The following URB2 variants were observed in gnomAD, a reference collection of about 807,000 sequenced individuals.
The protein encoded by URB2 is unhealthy ribosome biogenesis protein 2 homolog.
In URB2, 86 loss-of-function variants were observed where a neutral mutation model predicts 120.9. The observed-to-expected ratio is 0.71, with a 90% CI of 0.60 to 0.85. The LOEUF (loss-of-function observed/expected upper bound fraction) is 0.85, where lower values mean the gene tolerates loss of function less well. Ranked by LOEUF, URB2 falls within the 40% of genes least tolerant of loss-of-function variation. The pLI, the probability that URB2 is intolerant of heterozygous loss-of-function variation, is 0.00. For missense variants in URB2, 1,765 were observed against 1,836.5 expected, an observed-to-expected ratio of 0.96 and a Z score of 0.71; for synonymous variants, 755 against 758.4, an observed-to-expected ratio of 1.00 and a Z score of 0.07.
At chr1:229,652,959 A>C (rs1666316611) in intron 8 of URB2, among the ~76,000 whole-genome samples, 1 of 152,248 alleles carries the variant, frequency 6.6e-6, no homozygotes, top group African/African-American at 2.4e-5. Flanking sequence ...TTAACTGAGT[A>C]GAGTTTTAAC....
intron 4 of URB2, among the ~76,000 whole-genome samples, chr1:229,639,397 C>T (rs2102788902): frequency 6.8e-6 from 1 of 147,410 alleles, no homozygotes; most frequent in East Asian, 2.0e-4. Context: ...TGCAGTGGTG[C>T]AATCTCAGCT....
rs764622950 is a variant in URB2, at chr1:229,637,355, T to C, written c.2742T>C (p.His914=). The C allele has an allele frequency of 9.9e-6, 16 of 1,614,048 alleles. No individual in the cohort carries two copies. The highest frequency in any genetic ancestry group is 1.3e-5 in the African/African-American group (1 of 74,934). The change falls in exon 4 of 10, where the codon CAT becomes CAC. Residue 914 remains histidine, a synonymous_variant. Transcript: ENST00000258243. ...TGGACAGCCTCTTGCCACCCTATCA[T>C]GTGCATTATTTTCTTGTGTTACTGT... ...LQLDSLLPPY[H]VHYFLVLLSM... is the part of the protein sequence containing the mutation.
At chr1:229,634,562 TG>T (rs1262232248) in intron 3 of URB2, among the ~76,000 whole-genome samples, 4 of 152,208 alleles carry the variant, frequency 2.6e-5, no homozygotes, top group African/African-American at 4.8e-5. Flanking sequence ...TCCCTCTGCC[TG>T]GTAACATCTA....
intron 3 of URB2, among the ~76,000 whole-genome samples, 200 bp from the exon 4 acceptor site, chr1:229,634,717 G>A (rs1318348096): frequency 1.3e-5 from 2 of 152,188 alleles, no homozygotes; most frequent in East Asian, 3.9e-4. Flanking sequence ...TGGATGGGTG[G>A]AGGAATTGAA....
At chr1:229,647,454 T>C (rs1666171235) in intron 6 of URB2, 56 bp from the exon 7 acceptor site, 1 of 1,577,942 alleles carries the variant, frequency 6.3e-7, no homozygotes, top group African/African-American at 1.3e-5. Flanking sequence ...GCAGTGTTTG[T>C]GTTATTTCCT....
In URB2 at chr1:229,636,566, A is replaced by G. The variant is rs777014714; in HGVS notation, c.1953A>G (p.Val651=). The part of the protein sequence containing the change: ...ISNLPSLLPG[V]KTQHWKKIEK... ...ACCTCCCTTCGTTGCTCCCAGGTGT[A>G]AAAACACAGCATTGGAAGAAGATAG... The change falls in exon 4 of 10, where the codon GTA becomes GTG. Residue 651 remains valine (V), a synonymous_variant. Transcript: ENST00000258243. 1.2e-4 allele frequency: 187 copies of G among 1,614,058 alleles called. No homozygotes were observed. Among genetic ancestry groups the G allele is most frequent in the Middle Eastern group, 6.6e-4 (4 of 6,082 alleles).
rs117932424 is a variant in URB2 at position 229,648,980 on chromosome 1, T to G, written c.4149+1228T>G. Among the ~76,000 whole-genome samples, 239 of 152,322 alleles carry G rather than the reference T, an allele frequency of 1.6e-3. 4 individuals are homozygous for G. The East Asian group carries it at 0.03, about 19-fold the overall frequency. On this transcript the variant is annotated intron_variant, in intron 7 of 9. Coordinates refer to ENST00000258243, the MANE Select transcript of URB2 (RefSeq NM_014777.4). Reference sequence around the variant, plus strand: ...GAAACCTACAAACCTGTACAACATGTGACTAATGAATCCTGTAGACAGTTG... The same window carrying G: ...GAAACCTACAAACCTGTACAACATGGGACTAATGAATCCTGTAGACAGTTG...
At chr1:229,647,890 C>A (rs947884756) in intron 7 of URB2, 138 bp downstream of exon 7, 1 of 1,398,222 alleles carries the variant, frequency 7.2e-7, no homozygotes, top group East Asian at 2.5e-5. Context: ...ACTTTCTGTT[C>A]TAGTAAATTT....
At chr1:229,626,725 G>C (rs1665493450) in intron 1 of URB2, among the ~76,000 whole-genome samples, 1 of 152,272 alleles carries the variant, frequency 6.6e-6, no homozygotes, top group Non-Finnish European at 1.5e-5. Flanking sequence ...AGAGCATCTC[G>C]GTTGTCTTTG....
chr1:229,642,807 G>A (rs1436594663), intron 4 of URB2, among the ~76,000 whole-genome samples: 1 of 152,138 alleles, frequency 6.6e-6, no homozygotes, highest in Non-Finnish European at 1.5e-5. Context: ...TAGGGGTTAA[G>A]GCACCAACCC....
At chr1:229,638,403 T>C (rs1665912131) in intron 4 of URB2, among the ~76,000 whole-genome samples, 156 bp downstream of exon 4, 1 of 152,086 alleles carries the variant, frequency 6.6e-6, no homozygotes, top group African/African-American at 2.4e-5. Context: ...CCCAGCACTT[T>C]GGGAGGCCGA....
At chr1:229,653,086 G>A (rs996871215) in intron 8 of URB2, among the ~76,000 whole-genome samples, 9 of 152,192 alleles carry the variant, frequency 5.9e-5, no homozygotes, top group Non-Finnish European at 1.5e-5. Context: ...TGTATATGGT[G>A]AACAGTCTGA....
In URB2 at chr1:229,651,199, G is replaced by A. The variant is rs74875017; in HGVS notation, c.4150-36G>A. 15 of 1,563,454 alleles carry A rather than the reference G, an allele frequency of 9.6e-6. No homozygotes were observed. The East Asian group carries it at 1.8e-4, about 19-fold the overall frequency. ...AAAGTAGAAAAACTTAAATAATCAC[G>A]TATGTACTTTTACATTCTGTTATCT... is the stretch of plus-strand genomic sequence containing the variant. On this transcript the variant is annotated intron_variant, in intron 7 of 9. Coordinates refer to ENST00000258243, the MANE Select transcript of URB2 (RefSeq NM_014777.4).
intron 9 of URB2, among the ~76,000 whole-genome samples, chr1:229,655,996 G>A (rs966313814): frequency 2.0e-5 from 3 of 152,194 alleles, no homozygotes; most frequent in Non-Finnish European, 4.4e-5. Context: ...CTGTCCTGTG[G>A]GTGGGGACAT....
chr1:229,636,899 G>T lies in URB2; in HGVS notation c.2286G>T (p.Leu762=). ...TGTGTCCAGATGATGTGGGATACCTGGCCAGTGTCCTGCTGAGAACTTTAC... is the reference window on the plus strand; with the variant it reads ...TGTGTCCAGATGATGTGGGATACCTTGCCAGTGTCCTGCTGAGAACTTTAC... ...SYLCPDDVGY[L]ASVLLRTLPM... Residue 762 remains leucine (L), a synonymous_variant, in exon 4 of 10, where the codon CTG becomes CTT. Coordinates refer to ENST00000258243, the MANE Select transcript of URB2 (RefSeq NM_014777.4). The T allele has an allele frequency of 6.2e-7, 1 of 1,611,626 alleles. No individual in the cohort carries two copies. The highest frequency in any genetic ancestry group is 8.5e-7 in the Non-Finnish European group (1 of 1,178,510).
intron 5 of URB2, among the ~76,000 whole-genome samples, chr1:229,644,406 A>G (rs937191964): frequency 1.1e-4 from 16 of 152,284 alleles, no homozygotes; most frequent in Admixed American, 5.9e-4. Flanking sequence ...ACAAACCTAA[A>G]TTTCTGTTTG....
chr1:229,633,909 G>A (rs903192871), intron 3 of URB2, among the ~76,000 whole-genome samples: 2 of 152,040 alleles, frequency 1.3e-5, no homozygotes, highest in Admixed American at 6.6e-5. Context: ...TTGGCTCACT[G>A]GAACCTCTGC....
At chr1:229,627,539 A>G in intron 1 of URB2, 82 bp from the exon 2 acceptor site, 1 of 1,346,176 alleles carries the variant, frequency 7.4e-7, no homozygotes, top group Non-Finnish European at 1.0e-6. Context: ...AAGATACAGT[A>G]CTGCAATACT....
In URB2 at chr1:229,635,317, G is replaced by A; in HGVS notation, c.704G>A (p.Ser235Asn). ...CAGGTGCTGAGCCGGGACATCAGGA[G>A]TCAGATTGAGGCCATGTTCCGAGGA... ...LRQVLSRDIR[S>N]QIEAMFRGGI... Residue 235 changes from serine to asparagine, a missense_variant, in exon 4 of 10, where the codon AGT (serine) becomes AAT (asparagine). Coordinates refer to ENST00000258243, the MANE Select transcript of URB2 (RefSeq NM_014777.4). The A allele has an allele frequency of 1.2e-6, 2 of 1,614,194 alleles. No individual in the cohort carries two copies. Among genetic ancestry groups the A allele is most frequent in the Non-Finnish European group, 1.7e-6 (2 of 1,180,006 alleles).
Sources: gnomAD v4.1 joint callset for allele counts (sites outside exome capture counted in the v4.1 genomes callset) on GRCh38, gnomAD v4.1.1 for gene constraint, MANE v1.5 for transcripts, NCBI Gene and HGNC (gene_info 2026-07-23, HGNC 2026-07-21) for gene names.